The following COX7B2 variants were observed in gnomAD, a reference collection of about 807,000 sequenced individuals.
COX7B2 encodes the protein cytochrome c oxidase subunit 7B2, mitochondrial.
For synonymous variants in COX7B2, 37 were observed against 32.1 expected (o/e 1.15, Z -0.51); for missense variants, 109 against 95.9 (o/e 1.14, Z -0.57).
At chr4:46,850,461 T>G (rs1270941752) in intron 1 of COX7B2, among the ~76,000 whole-genome samples, 13 of 152,044 alleles carry the variant, frequency 8.6e-5, no homozygotes, top group Non-Finnish European at 2.9e-5. Flanking sequence ...AAAAATTTCT[T>G]GTACTTTCAA....
rs566099801 is a variant in COX7B2 at position 46,827,536 on chromosome 4, T to C, written c.-50+17424A>G. ...GTACCCTACAAAAATAAAGTAATTA[T>C]GTCCGTAGAATTGCTTAGCAAAACA... On this transcript the variant is annotated intron_variant, in intron 2 of 2. Coordinates refer to ENST00000355591, the MANE Select transcript of COX7B2 (RefSeq NM_130902.3). Among the ~76,000 whole-genome samples the C allele has an allele frequency of 2.0e-5, 3 of 152,270 alleles. No homozygotes were observed. In the South Asian group the frequency reaches 6.2e-4, roughly 32 times the overall value.
intron 2 of COX7B2, among the ~76,000 whole-genome samples, chr4:46,795,399 G>A (rs1718269840): frequency 1.6e-5 from 1 of 64,512 alleles, no homozygotes; most frequent in Non-Finnish European, 2.7e-5. Context: ...AAGGGATCCA[G>A]TTTCAGCTTT....
chr4:46,885,186 C>A (rs1380375836), intron 1 of COX7B2, among the ~76,000 whole-genome samples: 2 of 151,984 alleles, frequency 1.3e-5, no homozygotes, highest in Non-Finnish European at 2.9e-5. Flanking sequence ...ACTCCTTTCA[C>A]AACATTTATT....
At chr4:46,742,266 C>A (rs1432691649) in intron 2 of COX7B2, among the ~76,000 whole-genome samples, 1 of 152,026 alleles carries the variant, frequency 6.6e-6, no homozygotes, top group Non-Finnish European at 1.5e-5. Context: ...CCTTGATTTC[C>A]ACTTGCTTTT....
intron 2 of COX7B2, among the ~76,000 whole-genome samples, chr4:46,822,191 G>T (rs114293688): frequency 2.0e-5 from 3 of 152,278 alleles, no homozygotes; most frequent in South Asian, 2.1e-4. Context: ...GATTACAGAC[G>T]TGAGCTACCA....
chr4:46,866,847 A>C (rs1717697094), intron 1 of COX7B2, among the ~76,000 whole-genome samples: 1 of 152,160 alleles, frequency 6.6e-6, no homozygotes, highest in Non-Finnish European at 1.5e-5. Context: ...CCTGCTGTGG[A>C]TATATTAATA....
chr4:46,786,762 C>A (rs1332640433), intron 2 of COX7B2, among the ~76,000 whole-genome samples: 1 of 152,098 alleles, frequency 6.6e-6, no homozygotes, highest in Non-Finnish European at 1.5e-5. Context: ...AGGAAAGTAG[C>A]AAGGTAGGGA....
At chr4:46,893,902 A>G (rs1459955243) in intron 1 of COX7B2, among the ~76,000 whole-genome samples, 2 of 152,184 alleles carry the variant, frequency 1.3e-5, no homozygotes, top group Admixed American at 1.3e-4. Flanking sequence ...CAGGAAGTCA[A>G]TCCCATTCAG....
intron 1 of COX7B2, among the ~76,000 whole-genome samples, chr4:46,868,491 T>A (rs1338096694): frequency 1.3e-5 from 2 of 152,172 alleles, no homozygotes; most frequent in East Asian, 3.8e-4. Context: ...TATCTAACTT[T>A]TTGATGTGGG....
At chr4:46,893,428 G>T (rs976406283) in intron 1 of COX7B2, among the ~76,000 whole-genome samples, 3 of 152,154 alleles carry the variant, frequency 2.0e-5, no homozygotes, top group African/African-American at 7.2e-5. Flanking sequence ...GCACTAGCCT[G>T]TGAGTTCTCT....
intron 2 of COX7B2, among the ~76,000 whole-genome samples, chr4:46,799,877 A>T (rs1056748910): frequency 6.6e-6 from 1 of 152,160 alleles, no homozygotes; most frequent in African/African-American, 2.4e-5. Context: ...TAAGTTAGGG[A>T]GGAGTCCCTT....
intron 1 of COX7B2, among the ~76,000 whole-genome samples, chr4:46,906,762 G>A (rs2109910440): frequency 6.6e-6 from 1 of 152,236 alleles, no homozygotes; most frequent in Middle Eastern, 3.4e-3. Flanking sequence ...TCCTCCCTGA[G>A]ACAAATAGTT....
intron 2 of COX7B2, among the ~76,000 whole-genome samples, chr4:46,799,463 C>CTT (rs1217647914): frequency 2.6e-5 from 4 of 152,082 alleles, no homozygotes; most frequent in Non-Finnish European, 4.4e-5. Context: ...ATGATTACAG[C>CTT]TTTTACCTGT....
At chr4:46,747,987 T>C (rs1715125665) in intron 2 of COX7B2, among the ~76,000 whole-genome samples, 1 of 152,196 alleles carries the variant, frequency 6.6e-6, no homozygotes, top group Non-Finnish European at 1.5e-5. Flanking sequence ...TAAAATCTAA[T>C]TGTGCTTAGA....
chr4:46,882,500 G>A (rs752180043), intron 1 of COX7B2, among the ~76,000 whole-genome samples: 3 of 151,422 alleles, frequency 2.0e-5, no homozygotes, highest in Non-Finnish European at 4.4e-5. Context: ...TACATATTTA[G>A]CATAGTTAGG....
Position 46,851,715 on chromosome 4 carries a change from A to G in COX7B2, c.-104-6701T>C, listed in dbSNP as rs183659641. Among the ~76,000 whole-genome samples, 294 of 152,142 alleles carry G rather than the reference A, an allele frequency of 1.9e-3. 3 individuals are homozygous for G. The highest frequency in any genetic ancestry group is 1.9e-3 in the Non-Finnish European group (131 of 67,952). On this transcript the variant is annotated intron_variant, in intron 1 of 2. Coordinates refer to ENST00000355591, the MANE Select transcript of COX7B2 (RefSeq NM_130902.3). ...TTCCCTTTTCTTTAATGACCTAGAT[A>G]CTTCTGAAGAATATTGTTTTGTAAA...
At chr4:46,808,676 T>C (rs972877367) in intron 2 of COX7B2, among the ~76,000 whole-genome samples, 7 of 151,824 alleles carry the variant, frequency 4.6e-5, no homozygotes, top group Admixed American at 4.6e-4. Flanking sequence ...GCTGTGGGTT[T>C]TTTATAAAAC....
At chr4:46,761,207 C>T (rs992586708) in intron 2 of COX7B2, among the ~76,000 whole-genome samples, 18 of 152,148 alleles carry the variant, frequency 1.2e-4, no homozygotes, top group African/African-American at 4.3e-4. Flanking sequence ...GATGCTATGA[C>T]ATCAGAAACC....
At chr4:46,823,809 C>A (rs1367030682) in intron 2 of COX7B2, among the ~76,000 whole-genome samples, 2 of 150,338 alleles carry the variant, frequency 1.3e-5, no homozygotes, top group African/African-American at 2.4e-5. Flanking sequence ...ATCAAAGAAG[C>A]AAACAAAGTT....
Sources: gnomAD v4.1 joint callset for allele counts (sites outside exome capture counted in the v4.1 genomes callset) on GRCh38, gnomAD v4.1.1 for gene constraint, MANE v1.5 for transcripts, NCBI Gene and HGNC (gene_info 2026-07-23, HGNC 2026-07-21) for gene names.